Variants in ALG5 observed in about 807,000 individuals in gnomAD.
ALG5 encodes the protein dolichyl-phosphate beta-glucosyltransferase.
In ALG5, 26 loss-of-function variants were observed where a neutral mutation model predicts 51.8. The ratio of observed to expected loss-of-function variants is 0.50; its 90% CI spans 0.37 to 0.70. The LOEUF is 0.70. Among genes scored for constraint, ALG5 ranks in the 30% least tolerant of loss-of-function variants. The pLI is 0.00. For synonymous variants in ALG5, 141 were observed against 136.1 expected (o/e 1.04, Z -0.25); for missense variants, 311 against 399.3 (o/e 0.78, Z 1.88).
intron 5 of ALG5, 108 bp from the exon 6 acceptor site, chr13:36,985,848 TG>T: frequency 1.6e-6 from 1 of 635,104 alleles, no homozygotes; most frequent in Non-Finnish European, 2.6e-6. Flanking sequence ...AGATGAGGTA[TG>T]AGATGGCTGA....
rs1386587501 is a variant in ALG5 at position 36,995,576 on chromosome 13, T to C, written c.87A>G (p.Thr29=). The C allele has an allele frequency of 1.2e-6, 2 of 1,601,516 alleles. No individual in the cohort carries two copies. The highest frequency in any genetic ancestry group is 2.7e-5 in the African/African-American group (2 of 73,996). Residue 29 remains threonine (T), a synonymous_variant, in exon 2 of 10, where the codon ACA becomes ACG. Transcript: ENST00000239891. ...GGAGTGCTGGCATTTTTGTAGCAGT[T>C]GTAAATGCAACGATGGAAATCTAAA... ...ALVLISIVAF[T]TATKMPALHR... is the part of the protein sequence containing the mutation.
intron 1 of ALG5, 66 bp downstream of exon 1, chr13:36,999,169 G>A (rs1445870981): frequency 7.1e-7 from 1 of 1,400,042 alleles, no homozygotes; most frequent in East Asian, 2.8e-5. Context: ...GGGGACGCCT[G>A]AGGAGCCGCA....
intron 4 of ALG5, among the ~76,000 whole-genome samples, chr13:36,990,568 C>A (rs1485372411): frequency 1.3e-5 from 2 of 150,656 alleles, no homozygotes; most frequent in Non-Finnish European, 2.9e-5. Context: ...GGAGTCACTG[C>A]ATGGGCTTAA....
chr13:36,961,330 G>C (rs1461108728), intron 8 of ALG5, among the ~76,000 whole-genome samples: 1 of 152,078 alleles, frequency 6.6e-6, no homozygotes, highest in South Asian at 2.1e-4. Flanking sequence ...TGGGAGGATC[G>C]CCTAAGGCCA....
At chr13:36,964,289 TAA>T (rs2058881990) in intron 8 of ALG5, among the ~76,000 whole-genome samples, 1 of 152,106 alleles carries the variant, frequency 6.6e-6, no homozygotes, top group Non-Finnish European at 1.5e-5. Context: ...TGAAGGAATA[TAA>T]GCAGAAGAGG....
intron 1 of ALG5, 129 bp downstream of exon 1, chr13:36,999,106 T>A (rs963333354): frequency 1.3e-6 from 1 of 760,728 alleles, no homozygotes; most frequent in Admixed American, 4.2e-5. Context: ...GGTCAGGAAT[T>A]TGGGGGAATC....
intron 7 of ALG5, among the ~76,000 whole-genome samples, chr13:36,970,515 G>A (rs1165234894): frequency 3.3e-5 from 5 of 152,126 alleles, no homozygotes; most frequent in South Asian, 2.1e-4. Context: ...CAGGAGAATC[G>A]CTTGAATCCG....
At chr13:36,954,729 G>T (rs975591875) in intron 8 of ALG5, among the ~76,000 whole-genome samples, 3 of 152,158 alleles carry the variant, frequency 2.0e-5, no homozygotes, top group African/African-American at 7.2e-5. Flanking sequence ...GTTGGGCTGA[G>T]CCACTGTGTT....
intron 8 of ALG5, among the ~76,000 whole-genome samples, chr13:36,959,752 G>C (rs1348678160): frequency 6.6e-6 from 1 of 151,950 alleles, no homozygotes; most frequent in Admixed American, 6.6e-5. Context: ...ACAAATGTGA[G>C]GGTAGAATCA....
intron 6 of ALG5, among the ~76,000 whole-genome samples, 174 bp from the exon 7 acceptor site, chr13:36,972,210 A>G (rs1239503937): frequency 1.3e-5 from 2 of 152,312 alleles, no homozygotes; most frequent in East Asian, 3.9e-4. Context: ...AAGCCTAATC[A>G]TACTAAGAGG....
intron 4 of ALG5, among the ~76,000 whole-genome samples, chr13:36,991,007 C>T (rs181882745): frequency 1.2e-4 from 18 of 152,326 alleles, no homozygotes; most frequent in Non-Finnish European, 2.5e-4. Context: ...TTCAAACACC[C>T]TCAGTGATGA....
At chr13:36,972,909 G>A (rs372934749) in intron 6 of ALG5, among the ~76,000 whole-genome samples, 7 of 149,790 alleles carry the variant, frequency 4.7e-5, no homozygotes, top group South Asian at 2.1e-4. Flanking sequence ...GGAGAATGGC[G>A]TGAACCCAGG....
chr13:36,971,703 G>A (rs1361386610), intron 7 of ALG5, among the ~76,000 whole-genome samples: 3 of 123,842 alleles, frequency 2.4e-5, no homozygotes, highest in Middle Eastern at 5.5e-3. Flanking sequence ...TTACTGAACA[G>A]ATTCTCTTTA....
intron 6 of ALG5, among the ~76,000 whole-genome samples, chr13:36,973,811 G>A (rs2058937265): frequency 6.6e-6 from 1 of 152,178 alleles, no homozygotes; most frequent in South Asian, 2.1e-4. Context: ...AGTGAAAATA[G>A]CTCTTGAACA....
intron 5 of ALG5, 28 bp downstream of exon 5, chr13:36,989,456 A>C: frequency 6.5e-7 from 1 of 1,535,658 alleles, no homozygotes; most frequent in South Asian, 1.1e-5. Context: ...TTCATATTTT[A>C]GATAAAAATG....
chr13:36,988,091 C>T (rs2059009917), intron 5 of ALG5, among the ~76,000 whole-genome samples: 1 of 152,156 alleles, frequency 6.6e-6, no homozygotes. Context: ...TGGTTAAGTC[C>T]TAATCCTCCT....
intron 5 of ALG5, among the ~76,000 whole-genome samples, chr13:36,989,172 C>T (rs1380393062): frequency 6.6e-6 from 1 of 152,094 alleles, no homozygotes; most frequent in African/African-American, 2.4e-5. Context: ...AAACTTAATA[C>T]AAAAAACATT....
intron 8 of ALG5, among the ~76,000 whole-genome samples, chr13:36,955,232 C>T (rs1414106425): frequency 1.3e-5 from 2 of 152,186 alleles, no homozygotes; most frequent in Non-Finnish European, 2.9e-5. Context: ...GGGACTTTCT[C>T]ACACGTAGCT....
chr13:36,955,464 T>C (rs2058835290), intron 8 of ALG5, among the ~76,000 whole-genome samples: 1 of 151,828 alleles, frequency 6.6e-6, no homozygotes, highest in Non-Finnish European at 1.5e-5. Flanking sequence ...GCAACAAGAA[T>C]AGGTTTTTTA....
Sources: allele counts gnomAD v4.1 joint callset (sites outside exome capture counted in the v4.1 genomes callset), GRCh38; gene constraint gnomAD v4.1.1; transcripts MANE v1.5; gene names NCBI Gene and HGNC (gene_info 2026-07-23, HGNC 2026-07-21).